The following BCAR1 variants were observed in gnomAD, a reference collection of about 807,000 sequenced individuals.
BCAR1 encodes BCAR1 scaffold protein, Cas family member, also known as breast cancer anti-estrogen resistance protein 1.
Under a neutral mutation model 67.6 loss-of-function variants are expected in BCAR1, and 30 were observed. The observed-to-expected ratio is 0.44, with a 90% CI of 0.33 to 0.60. The LOEUF is 0.60. BCAR1 is among the 20% of genes least tolerant of loss of function. The pLI is 0.02. For missense variants in BCAR1, 1,313 were observed against 1,222.3 expected (o/e 1.07, Z -1.11); for synonymous variants, 626 against 556.7 (o/e 1.12, Z -1.75).
chr16:75,267,528 G>A (rs1054529468), intron 1 of BCAR1, among the ~76,000 whole-genome samples: 1 of 152,104 alleles, frequency 6.6e-6, no homozygotes, highest in African/African-American at 2.4e-5. Flanking sequence ...GCTGGGAGCA[G>A]CAGCTCTGCC....
chr16:75,254,917 T>C (rs1438864713), upstream of BCAR1, among the ~76,000 whole-genome samples: 2 of 152,184 alleles, frequency 1.3e-5, no homozygotes, highest in African/African-American at 2.4e-5. Flanking sequence ...AAGCCTGGGA[T>C]AGGGTTCCTG....
chr16:75,256,170 A>AC (rs1175798714), upstream of BCAR1: 3 of 152,434 alleles, frequency 2.0e-5, no homozygotes, highest in East Asian at 5.8e-4. Context: ...GCAATGCCCC[A>AC]CGCAGCTCCC....
At position 75,257,577 on chromosome 16, in the gene BCAR1, C is replaced by T. The variant is rs571200909; in HGVS notation, c.66+10338G>A. Among the ~76,000 whole-genome samples the T allele has an allele frequency of 2.0e-5, 3 of 152,370 alleles. No individual in the cohort carries two copies. The East Asian group carries it at 5.8e-4, about 29-fold the overall frequency. On this transcript the variant is annotated intron_variant, in intron 1 of 6. Transcript: ENST00000393422. ...TCAAACGATCCTCCCACCTCAGCCT[C>T]TTGACTAGCTGGGTCTACAGGTGTG...
chr16:75,243,719 T>C (rs1289954478), intron 1 of BCAR1, among the ~76,000 whole-genome samples: 2 of 152,164 alleles, frequency 1.3e-5, no homozygotes, highest in African/African-American at 4.8e-5. Flanking sequence ...ACGTGCTCCA[T>C]GTGGCCCAGG....
chr16:75,237,027 G>T (rs748078357), intron 3 of BCAR1, 29 bp from the exon 4 acceptor site: 10 of 1,556,732 alleles, frequency 6.4e-6, no homozygotes, highest in Admixed American at 3.6e-5. Flanking sequence ...AGGGTTAACG[G>T]CGCCAGGGCC....
At position 75,229,739 on chromosome 16, in the gene BCAR1, G is replaced by A. The variant is rs141865631; in HGVS notation, c.2385C>T (p.Ile795=). Reference sequence around the variant, plus strand: ...TGGCCTGCCGTGACAGTGTGTCCCCGATGAACACCAGCTTGTGGGCGCTGA... The same window carrying A: ...TGGCCTGCCGTGACAGTGTGTCCCCAATGAACACCAGCTTGTGGGCGCTGA... ...VILSAHKLVF[I]GDTLSRQAKA... is the part of the protein sequence containing the mutation. The change falls in exon 7 of 7, where the codon ATC becomes ATT. Residue 795 remains isoleucine (I), a synonymous_variant. Coordinates refer to ENST00000162330, the MANE Select transcript of BCAR1 (RefSeq NM_014567.5). 18 of 1,613,300 alleles carry A rather than the reference G, an allele frequency of 1.1e-5. No individual in the cohort carries two copies. Among genetic ancestry groups the A allele is most frequent in the African/African-American group, 4.0e-5 (3 of 74,946 alleles).
In BCAR1 at chr16:75,266,691, G is replaced by C. The variant is rs905573678; in HGVS notation, c.66+1224C>G. 6 of 1,356,490 alleles carry C rather than the reference G, an allele frequency of 4.4e-6. No homozygotes were observed. The East Asian group carries it at 1.4e-4, about 31-fold the overall frequency. The allele number at this position is 1,356,490 out of a possible 1,614,324, so 84.0% of individuals were successfully genotyped here. ...GCTGATGCCCCGTTACATTTCATAG[G>C]CCCAGGCACTGAGATCCCTCACCCA... On this transcript the variant is annotated intron_variant, in intron 1 of 6. Transcript: ENST00000393422.
At position 75,267,546 on chromosome 16, in the gene BCAR1, C is replaced by T. The variant is rs1314958202; in HGVS notation, c.66+369G>A. Among the ~76,000 whole-genome samples the T allele has an allele frequency of 5.3e-5, 8 of 152,102 alleles. No homozygotes were observed. In the South Asian group the frequency reaches 1.0e-3, roughly 20 times the overall value. The stretch of plus-strand genomic sequence containing the variant: ...GGGAGCAGCAGCTCTGCCTGGCGCC[C>T]GGGCTCCTGGCCACACGCCCTGCTG... On this transcript the variant is annotated intron_variant, in intron 1 of 6. Coordinates refer to the BCAR1 transcript ENST00000393422.
At chr16:75,266,704 G>A in intron 1 of BCAR1, 1 of 1,387,920 alleles carries the variant, frequency 7.2e-7, no homozygotes, top group Non-Finnish European at 9.5e-7. Context: ...CAGGCACTGA[G>A]ATCCCTCACC....
chr16:75,242,571 T>A lies in BCAR1; in HGVS notation c.532A>T (p.Ile178Phe), dbSNP rs746710207. 1 of 1,489,670 alleles carries A rather than the reference T, an allele frequency of 6.7e-7. No individual in the cohort carries two copies. The highest frequency in any genetic ancestry group is 8.9e-7 in the Non-Finnish European group (1 of 1,119,948). 92.3% of individuals were successfully genotyped at this position (1,489,670 alleles called of 1,614,324 possible). A position where few individuals can be genotyped will look rare whatever the true frequency, so the allele number is the denominator to read the frequency against. Reference protein sequence around the residue: ...PPGPGGPAQDIYQVPPSAGMG... With the variant: ...PPGPGGPAQDFYQVPPSAGMG... ...CCGGCAGAAGGTGGCACCTGGTAAATATCCTGGGCAGGGCCTCCAGGCCCT... is the reference window on the plus strand; with the variant it reads ...CCGGCAGAAGGTGGCACCTGGTAAAAATCCTGGGCAGGGCCTCCAGGCCCT... Residue 178 changes from isoleucine (I) to phenylalanine (F), a missense_variant, in exon 2 of 7, where the codon ATT becomes TTT. By Grantham distance (21) the Ile-to-Phe change is conservative. This residue lies in a region of BCAR1 where 1,272 missense variants were observed against 1,137.5 expected (regional missense o/e 1.12). Transcript: ENST00000162330.
chr16:75,243,441 G>A (rs752908525), intron 1 of BCAR1: 8 of 587,718 alleles, frequency 1.4e-5, no homozygotes, highest in Non-Finnish European at 1.9e-5. Context: ...CAGTAATCAC[G>A]ACAAAGCTGC....
intron 1 of BCAR1, chr16:75,250,732 C>G (rs527432059): frequency 8.2e-4 from 804 of 985,384 alleles, no homozygotes; most frequent in Non-Finnish European, 9.3e-4. Flanking sequence ...CTAGCTCTTG[C>G]GGGTCCCCCA....
At chr16:75,263,102 C>A in intron 1 of BCAR1, 1 of 703,506 alleles carries the variant, frequency 1.4e-6, no homozygotes, top group Non-Finnish European at 1.7e-6. Flanking sequence ...GTGCCCAGCA[C>A]ACAGGGCGGC....
intron 4 of BCAR1, 120 bp from the exon 5 acceptor site, chr16:75,236,106 GCA>G (rs1567595385): frequency 2.2e-5 from 29 of 1,290,510 alleles, no homozygotes; most frequent in Non-Finnish European, 3.0e-5. Context: ...ACACACAGAG[GCA>G]CGCGCACACA....
At chr16:75,237,525 C>T (rs1384531113) in intron 2 of BCAR1, 181 bp from the exon 3 acceptor site, 5 of 702,122 alleles carry the variant, frequency 7.1e-6, no homozygotes, top group African/African-American at 3.8e-5. Flanking sequence ...TCTAGCAGAA[C>T]GCAGTGCCAG....
Position 75,242,622 on chromosome 16 carries a change from C to A in BCAR1, c.481G>T (p.Ala161Ser). ...GGGGGCACCTGGTACAGGTCTGTGGCCGGGCTGGGAAACGGGTGATGGGGT... is the reference window on the plus strand; with the variant it reads ...GGGGGCACCTGGTACAGGTCTGTGGACGGGCTGGGAAACGGGTGATGGGGT... ...QTPHHPFPSP[A>S]TDLYQVPPGP... Residue 161 changes from alanine (A) to serine (S), a missense_variant, in exon 2 of 7, where the codon GCC (alanine) becomes TCC (serine). Physicochemically the swap from Ala to Ser is moderately conservative, Grantham distance 99. Coordinates refer to ENST00000162330, the MANE Select transcript of BCAR1 (RefSeq NM_014567.5). The A allele has an allele frequency of 2.0e-6, 3 of 1,513,912 alleles. No individual in the cohort carries two copies. The South Asian group carries it at 4.0e-5, about 20-fold the overall frequency. The allele number at this position is 1,513,912 out of a possible 1,614,324, so 93.8% of individuals were successfully genotyped here. A position where few individuals can be genotyped will look rare whatever the true frequency, so the allele number is the denominator to read the frequency against.
chr16:75,230,329 GC>G (rs2076858994), intron 6 of BCAR1, among the ~76,000 whole-genome samples: 1 of 152,152 alleles, frequency 6.6e-6, no homozygotes, highest in South Asian at 2.1e-4. Context: ...CACCGTCCTG[GC>G]TTGGGTACTG....
intron 1 of BCAR1, among the ~76,000 whole-genome samples, chr16:75,260,531 G>A (rs1038318874): frequency 2.0e-5 from 3 of 151,562 alleles, no homozygotes; most frequent in African/African-American, 4.9e-5. Flanking sequence ...CTACTTGGGA[G>A]GCTGAGGCAA....
intron 3 of BCAR1, 41 bp from the exon 4 acceptor site, chr16:75,237,039 C>A (rs1337855726): frequency 6.5e-7 from 1 of 1,544,774 alleles, no homozygotes; most frequent in African/African-American, 1.4e-5. Flanking sequence ...GCCAGGGCCA[C>A]TTGGGGGAAT....
Sources: gnomAD v4.1 joint callset for allele counts (sites outside exome capture counted in the v4.1 genomes callset) on GRCh38, gnomAD v4.1.1 for gene constraint, gnomAD v4.1.1 regional missense constraint, MANE v1.5 for transcripts, NCBI Gene and HGNC (gene_info 2026-07-23, HGNC 2026-07-21) for gene names.